Variants in SPOCK1 observed in about 807,000 individuals in gnomAD.
SPOCK1 encodes SPARC (osteonectin), cwcv and kazal like domains proteoglycan 1.
Under a neutral mutation model 55.3 loss-of-function variants are expected in SPOCK1, and 23 were observed. The ratio of observed to expected loss-of-function variants is 0.42; its 90% CI spans 0.30 to 0.59. The LOEUF (loss-of-function observed/expected upper bound fraction) is 0.59, where lower values mean the gene tolerates loss of function less well. Ranked by LOEUF, SPOCK1 falls within the 20% of genes least tolerant of loss-of-function variation. The probability of loss-of-function intolerance (pLI) is 0.22; values close to 1 mark genes in which losing one functional copy is unlikely to be tolerated. For missense variants in SPOCK1, 499 were observed against 552.5 expected (o/e 0.90, Z 0.97); for synonymous variants, 226 against 221.0 (o/e 1.02, Z -0.20).
At chr5:137,187,714 C>G (rs570237584) in intron 3 of SPOCK1, among the ~76,000 whole-genome samples, 2 of 152,264 alleles carry the variant, frequency 1.3e-5, no homozygotes, top group South Asian at 2.1e-4. Flanking sequence ...CTAAACAAGA[C>G]AGGAACCATT....
At chr5:137,008,987 A>G (rs1267669167) in intron 6 of SPOCK1, among the ~76,000 whole-genome samples, 1 of 152,160 alleles carries the variant, frequency 6.6e-6, no homozygotes, top group African/African-American at 2.4e-5. Flanking sequence ...GCCACACAAT[A>G]TTAAAAAACG....
intron 4 of SPOCK1, among the ~76,000 whole-genome samples, chr5:137,125,794 A>G (rs1753773127): frequency 6.6e-6 from 1 of 152,236 alleles, no homozygotes; most frequent in Non-Finnish European, 1.5e-5. Context: ...AAAATGTAAA[A>G]GCAGCTTTGA....
chr5:137,227,191 A>C (rs1236400800), intron 3 of SPOCK1, among the ~76,000 whole-genome samples: 2 of 152,210 alleles, frequency 1.3e-5, no homozygotes, highest in African/African-American at 4.8e-5. Flanking sequence ...CTTTTCCCTT[A>C]GCTTCAAGGC....
At chr5:137,215,656 C>T (rs960141123) in intron 3 of SPOCK1, among the ~76,000 whole-genome samples, 9 of 152,140 alleles carry the variant, frequency 5.9e-5, no homozygotes, top group African/African-American at 2.2e-4. Context: ...TGAAAGATTG[C>T]TTCAGGCCAT....
At chr5:137,319,951 C>CAAAAAAAAAAAAAAAAAAAAA (rs55836854) in intron 2 of SPOCK1, among the ~76,000 whole-genome samples, 1 of 85,584 alleles carries the variant, frequency 1.2e-5, no homozygotes, top group Non-Finnish European at 2.3e-5. Flanking sequence ...GACTCCGTCT[C>CAAAAAAAAAAAAAAAAAAAAA]AAAAAAAAAA....
intron 2 of SPOCK1, among the ~76,000 whole-genome samples, chr5:137,467,924 T>A (rs1580943218): frequency 6.6e-6 from 1 of 152,230 alleles, no homozygotes; most frequent in East Asian, 1.9e-4. Context: ...TGACCCTCCA[T>A]GGTTTAGGTT....
chr5:137,317,103 T>C (rs1757892679), intron 2 of SPOCK1, among the ~76,000 whole-genome samples: 1 of 152,200 alleles, frequency 6.6e-6, no homozygotes, highest in Non-Finnish European at 1.5e-5. Flanking sequence ...ATTTTACTGC[T>C]TGGCTGAGGC....
chr5:137,228,671 A>G (rs1462151319), intron 3 of SPOCK1, among the ~76,000 whole-genome samples: 1 of 152,176 alleles, frequency 6.6e-6, no homozygotes, highest in East Asian at 1.9e-4. Flanking sequence ...AAAACAAAAA[A>G]AACCTAATCA....
intron 1 of SPOCK1, 62 bp from the exon 2 acceptor site, chr5:137,498,620 C>A: frequency 8.2e-7 from 1 of 1,223,720 alleles, no homozygotes; most frequent in Non-Finnish European, 1.0e-6. Context: ...GCCCCGGGCA[C>A]CCAGGCGTCC....
intron 3 of SPOCK1, among the ~76,000 whole-genome samples, chr5:137,224,263 C>T (rs769578686): frequency 3.9e-5 from 6 of 152,242 alleles, no homozygotes; most frequent in Non-Finnish European, 1.5e-5. Flanking sequence ...TAGGGAAATG[C>T]AGTCCATCAC....
intron 6 of SPOCK1, among the ~76,000 whole-genome samples, chr5:137,036,534 C>T (rs1751888867): frequency 6.6e-6 from 1 of 152,184 alleles, no homozygotes; most frequent in Non-Finnish European, 1.5e-5. Context: ...GATGGCATGT[C>T]CAGCACTGAA....
At chr5:137,064,737 T>C (rs138481976) in intron 6 of SPOCK1, among the ~76,000 whole-genome samples, 4 of 152,324 alleles carry the variant, frequency 2.6e-5, no homozygotes, top group African/African-American at 9.6e-5. Context: ...CTGTTGCCTG[T>C]CATAAATTAT....
At chr5:137,273,993 G>A (rs1443004922) in intron 2 of SPOCK1, among the ~76,000 whole-genome samples, 1 of 152,184 alleles carries the variant, frequency 6.6e-6, no homozygotes, top group South Asian at 2.1e-4. Context: ...CCTCTTCTTA[G>A]GGACTTTCTG....
intron 3 of SPOCK1, among the ~76,000 whole-genome samples, chr5:137,241,715 C>T (rs1335742454): frequency 6.6e-6 from 1 of 152,200 alleles, no homozygotes; most frequent in East Asian, 1.9e-4. Context: ...TCACTAGATG[C>T]TAACCCCCTG....
intron 3 of SPOCK1, among the ~76,000 whole-genome samples, chr5:137,229,413 A>T (rs1306692470): frequency 6.6e-6 from 1 of 152,186 alleles, no homozygotes; most frequent in East Asian, 1.9e-4. Flanking sequence ...GTCTAGTACC[A>T]GGTCCTAGAG....
chr5:137,283,017 G>A (rs766397146), intron 2 of SPOCK1, among the ~76,000 whole-genome samples: 23 of 152,242 alleles, frequency 1.5e-4, no homozygotes, highest in Non-Finnish European at 1.3e-4. Context: ...CAAGTGTGCA[G>A]TGCAGATGTG....
intron 3 of SPOCK1, among the ~76,000 whole-genome samples, chr5:137,195,005 T>G (rs1755271028): frequency 6.6e-6 from 1 of 152,172 alleles, no homozygotes; most frequent in Non-Finnish European, 1.5e-5. Flanking sequence ...GTGGTTCTGA[T>G]TCCCTCCACA....
intron 3 of SPOCK1, among the ~76,000 whole-genome samples, chr5:137,176,696 A>T (rs1167062927): frequency 6.6e-6 from 1 of 152,216 alleles, no homozygotes; most frequent in Non-Finnish European, 1.5e-5. Flanking sequence ...GTTCTCATCA[A>T]TACAAATCAA....
intron 5 of SPOCK1, among the ~76,000 whole-genome samples, chr5:137,100,439 A>G (rs1029229751): frequency 7.2e-5 from 11 of 152,210 alleles, no homozygotes; most frequent in Admixed American, 6.5e-4. Context: ...GTAGAAGACA[A>G]CGTGCATGAT....
Sources: allele counts gnomAD v4.1 joint callset (sites outside exome capture counted in the v4.1 genomes callset), GRCh38; gene constraint gnomAD v4.1.1; transcripts MANE v1.5; gene names NCBI Gene and HGNC (gene_info 2026-07-23, HGNC 2026-07-21).